Variants in DLG2 observed in about 807,000 individuals in gnomAD.
DLG2 encodes discs large MAGUK scaffold protein 2.
In DLG2, 45 loss-of-function variants were observed where a neutral mutation model predicts 132.5. The ratio of observed to expected loss-of-function variants is 0.34; its 90% CI spans 0.27 to 0.44. DLG2 has a LOEUF of 0.44. Among genes scored for constraint, DLG2 ranks in the 20% least tolerant of loss-of-function variants. The pLI is 1.00. For synonymous variants in DLG2, 424 were observed against 419.6 expected, an observed-to-expected ratio of 1.01 and a Z score of -0.13; for missense variants, 1,045 against 1,196.9, an observed-to-expected ratio of 0.87 and a Z score of 1.87.
At chr11:85,499,510 A>T (rs2093745921) in intron 3 of DLG2, among the ~76,000 whole-genome samples, 1 of 152,250 alleles carries the variant, frequency 6.6e-6, no homozygotes, top group South Asian at 2.1e-4. Context: ...AGATTCAACC[A>T]GAGTTACAAA....
intron 6 of DLG2, among the ~76,000 whole-genome samples, chr11:84,775,982 T>C (rs1249421608): frequency 1.3e-5 from 2 of 152,232 alleles, no homozygotes; most frequent in Non-Finnish European, 2.9e-5. Context: ...CTTTTGTTTG[T>C]TTCAATATCT....
chr11:84,503,468 A>G (rs1261038058), intron 7 of DLG2, among the ~76,000 whole-genome samples: 1 of 152,170 alleles, frequency 6.6e-6, no homozygotes, highest in Non-Finnish European at 1.5e-5. Flanking sequence ...CAGCCTGCTA[A>G]CCAGGACCCC....
rs868740260 is a variant in DLG2, at chr11:85,396,682, T to C, written c.41-111317A>G. 2.0e-5 allele frequency among the ~76,000 whole-genome samples: 3 copies of C among 152,060 alleles called. No homozygotes were observed. In the East Asian group the frequency reaches 5.8e-4, roughly 29 times the overall value. On this transcript the variant is annotated intron_variant, in intron 3 of 27. Coordinates refer to ENST00000376104, the MANE Select transcript of DLG2 (RefSeq NM_001142699.3). ...CAAGTGGAAGAAAGGATATCAGTAA[T>C]TGAAGATCAAATTAATGAAATAAAC...
intron 6 of DLG2, among the ~76,000 whole-genome samples, chr11:84,608,187 G>C (rs1385545217): frequency 2.0e-5 from 3 of 152,164 alleles, no homozygotes; most frequent in Non-Finnish European, 4.4e-5. Context: ...AAAGGCCCTG[G>C]CACTGGCCAG....
intron 11 of DLG2, among the ~76,000 whole-genome samples, chr11:84,027,085 C>G (rs1422765606): frequency 1.3e-5 from 2 of 151,926 alleles, no homozygotes. Flanking sequence ...ACAGGGATGG[C>G]CACTGTGGGT....
At chr11:84,589,348 A>C (rs2099537427) in intron 6 of DLG2, among the ~76,000 whole-genome samples, 1 of 152,178 alleles carries the variant, frequency 6.6e-6, no homozygotes, top group African/African-American at 2.4e-5. Context: ...CAGAAAAGCA[A>C]GAAGGCATGA....
intron 17 of DLG2, chr11:83,815,122 A>AT (rs1275250619): frequency 6.5e-6 from 1 of 153,706 alleles, no homozygotes; most frequent in Non-Finnish European, 1.5e-5. Context: ...GACTGACTAA[A>AT]TTAAAGTGTT....
intron 12 of DLG2, among the ~76,000 whole-genome samples, chr11:83,965,850 T>C (rs2090065390): frequency 6.6e-6 from 1 of 152,014 alleles, no homozygotes; most frequent in East Asian, 1.9e-4. Context: ...TACTTAGATA[T>C]ATTGCCTTAA....
chr11:84,627,722 C>T (rs1182202556), intron 6 of DLG2, among the ~76,000 whole-genome samples: 1 of 152,182 alleles, frequency 6.6e-6, no homozygotes, highest in Non-Finnish European at 1.5e-5. Context: ...CTGCAAAAGC[C>T]AGCATTTGCT....
At chr11:85,522,767 A>G (rs1426517536) in intron 3 of DLG2, among the ~76,000 whole-genome samples, 1 of 152,016 alleles carries the variant, frequency 6.6e-6, no homozygotes, top group African/African-American at 2.4e-5. Flanking sequence ...GTTTTGGCCA[A>G]TTTTCCCATT....
chr11:85,171,113 G>A (rs2078834226), intron 4 of DLG2, among the ~76,000 whole-genome samples: 2 of 152,138 alleles, frequency 1.3e-5, no homozygotes, highest in Non-Finnish European at 2.9e-5. Context: ...ATCTCAAGGG[G>A]TGCCAGATAA....
chr11:84,163,449 A>AT lies in DLG2; in HGVS notation c.624+11dup, dbSNP rs1376510630. ...AGATTGGGGCTTTGGATTTTTCAAA[A>AT]TTTTTTCTTACCCTCTCCAGTGTAA... On this transcript the variant is annotated intron_variant, in intron 9 of 27. Coordinates refer to ENST00000376104, the MANE Select transcript of DLG2 (RefSeq NM_001142699.3). The AT allele has an allele frequency of 6.2e-7, 1 of 1,601,826 alleles. No individual in the cohort carries two copies. The highest frequency in any genetic ancestry group is 1.4e-5 in the African/African-American group (1 of 74,018).
At chr11:84,818,795 A>C (rs1010851495) in intron 6 of DLG2, among the ~76,000 whole-genome samples, 1 of 151,962 alleles carries the variant, frequency 6.6e-6, no homozygotes, top group Non-Finnish European at 1.5e-5. Context: ...TGACTTGCCC[A>C]AATACTCATC....
At chr11:83,834,331 A>G (rs563775476) in intron 16 of DLG2, among the ~76,000 whole-genome samples, 1 of 152,342 alleles carries the variant, frequency 6.6e-6, no homozygotes, top group Admixed American at 6.5e-5. Flanking sequence ...AAGCACAGAT[A>G]TGATCGGAGG....
chr11:85,341,596 A>C (rs376016668), intron 3 of DLG2, among the ~76,000 whole-genome samples: 1 of 152,182 alleles, frequency 6.6e-6, no homozygotes, highest in African/African-American at 2.4e-5. Flanking sequence ...TCCCGATCTT[A>C]GTAAAACTGC....
chr11:85,348,144 C>T (rs2082998903), intron 3 of DLG2, among the ~76,000 whole-genome samples: 2 of 151,498 alleles, frequency 1.3e-5, no homozygotes. Context: ...TGCCACCATG[C>T]CCAGCTAATT....
At chr11:83,603,676 G>A (rs1364832099) in intron 19 of DLG2, among the ~76,000 whole-genome samples, 1 of 152,096 alleles carries the variant, frequency 6.6e-6, no homozygotes, top group African/African-American at 2.4e-5. Context: ...ATTTTTATCA[G>A]TTTAGTAAAT....
intron 8 of DLG2, among the ~76,000 whole-genome samples, chr11:84,213,231 C>T (rs564567465): frequency 2.6e-5 from 4 of 152,294 alleles, no homozygotes; most frequent in Non-Finnish European, 5.9e-5. Flanking sequence ...ATCTAACCTT[C>T]CATACCCTTT....
intron 3 of DLG2, among the ~76,000 whole-genome samples, chr11:85,306,444 A>G (rs1053794134): frequency 7.2e-5 from 11 of 152,250 alleles, no homozygotes; most frequent in African/African-American, 2.4e-4. Flanking sequence ...ACCTAGTCTC[A>G]GGCTCTTGGC....
Sources: allele counts gnomAD v4.1 joint callset (sites outside exome capture counted in the v4.1 genomes callset), GRCh38; gene constraint gnomAD v4.1.1; transcripts MANE v1.5; gene names NCBI Gene and HGNC (gene_info 2026-07-23, HGNC 2026-07-21).